ATP8A1: variants seen among roughly 807,000 people sequenced by gnomAD.
ATP8A1 encodes phospholipid-transporting ATPase IA.
A neutral mutation model predicts 177.7 loss-of-function variants in ATP8A1; 90 were observed. The observed-to-expected ratio is 0.51, with a 90% CI of 0.43 to 0.60. ATP8A1 has a LOEUF of 0.60. ATP8A1 is among the 20% of genes least tolerant of loss of function. The probability of loss-of-function intolerance (pLI) is 0.00; values close to 1 mark genes in which losing one functional copy is unlikely to be tolerated. For synonymous variants in ATP8A1, 493 were observed against 485.9 expected, an observed-to-expected ratio of 1.01 and a Z score of -0.19; for missense variants, 1,072 against 1,392.8, an observed-to-expected ratio of 0.77 and a Z score of 3.67.
Position 42,625,718 on chromosome 4 carries a change from A to G in ATP8A1, c.165-5T>C. On this transcript the variant is annotated splice_polypyrimidine_tract_variant and splice_region_variant and intron_variant, in intron 2 of 36. Transcript: ENST00000381668. ...ATTATGTTGTATTTTGCAGTGCTAG[A>G]AAACAAAAATGAAAAGTAGCATAAA... 6.4e-7 allele frequency: 1 copy of G among 1,567,964 alleles called. No homozygotes were observed. Among genetic ancestry groups the G allele is most frequent in the Non-Finnish European group, 8.7e-7 (1 of 1,149,754 alleles).
In ATP8A1 at chr4:42,429,706, T is replaced by G. The variant is rs1166717325; in HGVS notation, c.3124-6001A>C. 3.3e-5 allele frequency among the ~76,000 whole-genome samples: 5 copies of G among 152,312 alleles called. No individual in the cohort carries two copies. In the East Asian group the frequency reaches 9.6e-4, roughly 29 times the overall value. Reference sequence around the variant, plus strand: ...ACACCAATGTTCACAGCAGTACTGTTCACTATAGCCAAAGGGTGGAAACAA... The same window carrying G: ...ACACCAATGTTCACAGCAGTACTGTGCACTATAGCCAAAGGGTGGAAACAA... On this transcript the variant is annotated intron_variant, in intron 33 of 36. Transcript: ENST00000381668.
intron 20 of ATP8A1, among the ~76,000 whole-genome samples, chr4:42,525,602 CT>C (rs1218343647): frequency 6.6e-6 from 1 of 152,198 alleles, no homozygotes; most frequent in Non-Finnish European, 1.5e-5. Context: ...TCATGCATCA[CT>C]TATGCTTCTC....
chr4:42,497,303 A>C (rs1723379285), intron 24 of ATP8A1, among the ~76,000 whole-genome samples: 1 of 152,200 alleles, frequency 6.6e-6, no homozygotes, highest in Non-Finnish European at 1.5e-5. Context: ...GCGTACTGGC[A>C]CATAGTAGGT....
At position 42,522,339 on chromosome 4, in the gene ATP8A1, T is replaced by C. The variant is rs1445808520; in HGVS notation, c.1808-40A>G. ...ATACATCACCCCAACACACCAAAGATTTTCTTCAGAAGTCTGAGGTTTCTG... is the reference window on the plus strand; with the variant it reads ...ATACATCACCCCAACACACCAAAGACTTTCTTCAGAAGTCTGAGGTTTCTG... On this transcript the variant is annotated intron_variant, in intron 21 of 36. Transcript: ENST00000381668. 8 of 1,597,178 alleles carry C rather than the reference T, an allele frequency of 5.0e-6. No homozygotes were observed. In the Admixed American group the frequency reaches 5.4e-5, roughly 11 times the overall value.
intron 36 of ATP8A1, 68 bp from the exon 37 acceptor site, chr4:42,413,081 G>C: frequency 7.5e-7 from 1 of 1,341,780 alleles, no homozygotes; most frequent in Non-Finnish European, 1.1e-6. Context: ...CTGACTTTTG[G>C]GTATTCATTT....
At chr4:42,481,531 C>T (rs887841069) in intron 25 of ATP8A1, among the ~76,000 whole-genome samples, 3 of 152,164 alleles carry the variant, frequency 2.0e-5, no homozygotes, top group Admixed American at 6.5e-5. Context: ...AGATAAAATG[C>T]TTTTATACCA....
intron 5 of ATP8A1, among the ~76,000 whole-genome samples, chr4:42,606,124 C>T (rs1179440777): frequency 6.6e-6 from 1 of 152,232 alleles, no homozygotes; most frequent in Non-Finnish European, 1.5e-5. Context: ...ATATTTAACT[C>T]ATTTTTGGAA....
chr4:42,565,447 A>G (rs1731255285), intron 15 of ATP8A1, among the ~76,000 whole-genome samples: 1 of 152,234 alleles, frequency 6.6e-6, no homozygotes, highest in African/African-American at 2.4e-5. Flanking sequence ...GAATGAAATG[A>G]GAAAATAAAT....
intron 12 of ATP8A1, among the ~76,000 whole-genome samples, chr4:42,576,642 C>T (rs1398276849): frequency 6.6e-6 from 1 of 151,976 alleles, no homozygotes; most frequent in Non-Finnish European, 1.5e-5. Flanking sequence ...CACAAATTTT[C>T]ATGTCAAATG....
chr4:42,497,124 G>A (rs779870686), intron 24 of ATP8A1, among the ~76,000 whole-genome samples: 5 of 152,272 alleles, frequency 3.3e-5, no homozygotes, highest in Admixed American at 2.0e-4. Flanking sequence ...CACTGGAGAA[G>A]GTACGGTTAT....
In ATP8A1 at chr4:42,625,670, A is replaced by G; in HGVS notation, c.208T>C (p.Tyr70His). 6.2e-7 allele frequency: 1 copy of G among 1,609,476 alleles called. No homozygotes were observed. Among genetic ancestry groups the G allele is most frequent in the South Asian group, 1.1e-5 (1 of 89,904 alleles). Residue 70 changes from tyrosine (Y) to histidine (H), a missense_variant, in exon 3 of 37, where the codon TAC becomes CAC. Physicochemically the swap from Tyr to His is moderately conservative, Grantham distance 83. Around this residue, in one of 5 missense-constraint regions of ATP8A1, gnomAD observed 344 missense variants for 393.5 expected, o/e 0.87. Transcript: ENST00000381668. Reference protein sequence around the residue: ...NIITFLPRFLYSQFRRAANSF... With the variant: ...NIITFLPRFLHSQFRRAANSF... ...TTAGCAGCTCTTCTGAACTGAGAGT[A>G]GAGAAATCTTGGAAGGAATGTGATT...
chr4:42,578,955 G>C lies in ATP8A1; in HGVS notation c.1001-568C>G, dbSNP rs955048873. 2.6e-5 allele frequency among the ~76,000 whole-genome samples: 4 copies of C among 151,998 alleles called. No homozygotes were observed. The East Asian group carries it at 7.7e-4, about 29-fold the overall frequency. Reference sequence around the variant, plus strand: ...TGATGGTAGTAACAGTTCTGATACTGAAATAATAAATCAGTAACTATAAAA... The same window carrying C: ...TGATGGTAGTAACAGTTCTGATACTCAAATAATAAATCAGTAACTATAAAA... On this transcript the variant is annotated intron_variant, in intron 11 of 36. Coordinates refer to ENST00000381668, the MANE Select transcript of ATP8A1 (RefSeq NM_006095.2).
At chr4:42,438,568 A>C (rs894201411) in intron 33 of ATP8A1, among the ~76,000 whole-genome samples, 3 of 151,872 alleles carry the variant, frequency 2.0e-5, no homozygotes, top group African/African-American at 7.3e-5. Context: ...GAGAAGGGGG[A>C]ATTATAACTC....
intron 25 of ATP8A1, among the ~76,000 whole-genome samples, chr4:42,465,382 A>G (rs1560354723): frequency 6.6e-6 from 1 of 152,250 alleles, no homozygotes; most frequent in African/African-American, 2.4e-5. Context: ...AGAATTTCTA[A>G]TTCTTCACTT....
intron 33 of ATP8A1, among the ~76,000 whole-genome samples, chr4:42,438,438 T>A (rs1022401365): frequency 1.5e-4 from 23 of 152,028 alleles, no homozygotes; most frequent in South Asian, 2.1e-4. Context: ...TTTTTTTAAA[T>A]TTTTTTTAAC....
chr4:42,631,033 T>C (rs1738675542), intron 1 of ATP8A1, among the ~76,000 whole-genome samples: 1 of 152,240 alleles, frequency 6.6e-6, no homozygotes, highest in Non-Finnish European at 1.5e-5. Context: ...ATTGTAAATG[T>C]CTATTATACT....
chr4:42,609,271 C>T (rs941498182), intron 5 of ATP8A1, among the ~76,000 whole-genome samples: 1 of 152,072 alleles, frequency 6.6e-6, no homozygotes, highest in Non-Finnish European at 1.5e-5. Flanking sequence ...GGTGTGAGTC[C>T]CAGCAATCTG....
At chr4:42,446,781 A>C (rs1396706949) in intron 30 of ATP8A1, 137 bp from the exon 31 acceptor site, 25 of 686,914 alleles carry the variant, frequency 3.6e-5, no homozygotes, top group African/African-American at 7.2e-5. Flanking sequence ...TTAAAAAAAA[A>C]AACAACCCCA....
intron 20 of ATP8A1, among the ~76,000 whole-genome samples, chr4:42,539,027 T>C (rs987183018): frequency 2.0e-5 from 3 of 151,842 alleles, no homozygotes; most frequent in Non-Finnish European, 2.9e-5. Context: ...AATCAACAAG[T>C]AGATAAAGAA....
Sources: gnomAD v4.1 joint callset for allele counts (sites outside exome capture counted in the v4.1 genomes callset) on GRCh38, gnomAD v4.1.1 for gene constraint, gnomAD v4.1.1 regional missense constraint, MANE v1.5 for transcripts, NCBI Gene and HGNC (gene_info 2026-07-23, HGNC 2026-07-21) for gene names.